SREBF2: variants seen among roughly 807,000 people sequenced by gnomAD.
SREBF2 encodes the protein sterol regulatory element-binding protein 2.
A neutral mutation model predicts 113.1 loss-of-function variants in SREBF2; 55 were observed. That is an observed-to-expected ratio of 0.49 (90% CI 0.39 to 0.61). The LOEUF (loss-of-function observed/expected upper bound fraction) is 0.61. SREBF2 is among the 20% of genes least tolerant of loss of function. The pLI is 0.00. For missense variants in SREBF2, 1,349 were observed against 1,487.4 expected (o/e 0.91, Z 1.53); for synonymous variants, 593 against 605.7 (o/e 0.98, Z 0.31).
intron 1 of SREBF2, among the ~76,000 whole-genome samples, chr22:41,856,872 C>G (rs1285288422): frequency 1.3e-5 from 2 of 151,932 alleles, no homozygotes; most frequent in Admixed American, 6.6e-5. Flanking sequence ...GTCAGGAGTT[C>G]AAGACCAGCC....
chr22:41,836,394 A>G (rs746397854), intron 1 of SREBF2, among the ~76,000 whole-genome samples: 24 of 152,248 alleles, frequency 1.6e-4, no homozygotes, highest in Non-Finnish European at 3.1e-4. Flanking sequence ...AAAAGTCAGC[A>G]GTGAGGGTAG....
At chr22:41,867,746 G>A (rs2077098357) in intron 2 of SREBF2, among the ~76,000 whole-genome samples, 1 of 152,038 alleles carries the variant, frequency 6.6e-6, no homozygotes, top group Non-Finnish European at 1.5e-5. Flanking sequence ...GGCAGAGCTT[G>A]CAGTGAGCAG....
rs753385840 is a variant in SREBF2 at position 41,904,957 on chromosome 22, C to T, written c.3188C>T (p.Thr1063Met). Residue 1063 changes from threonine to methionine, a missense_variant, in exon 18 of 19, where the codon ACG becomes ATG. Around this residue, in one of 2 missense-constraint regions of SREBF2, gnomAD observed 650 missense variants for 644.1 expected, o/e 1.01. Transcript: ENST00000361204. Reference protein sequence around the residue: ...LLEHSLRRRTTQSTKHGEVDA... With the variant: ...LLEHSLRRRTMQSTKHGEVDA... ...GAACACAGCCTGCGGCGGCGCACCACGCAGAGCACCAAGCACGGTGAGTCC... is the reference window on the plus strand; with the variant it reads ...GAACACAGCCTGCGGCGGCGCACCATGCAGAGCACCAAGCACGGTGAGTCC... 5.6e-6 allele frequency: 9 copies of T among 1,597,564 alleles called. No homozygotes were observed. The highest frequency in any genetic ancestry group is 2.2e-5 in the South Asian group (2 of 89,368).
intron 1 of SREBF2, among the ~76,000 whole-genome samples, chr22:41,848,382 T>C (rs2076897850): frequency 6.6e-6 from 1 of 152,252 alleles, no homozygotes; most frequent in East Asian, 1.9e-4. Context: ...CCACCGCGCC[T>C]GGCCTTCAAA....
At chr22:41,870,551 G>A (rs902363994) in intron 3 of SREBF2, among the ~76,000 whole-genome samples, 1 of 151,310 alleles carries the variant, frequency 6.6e-6, no homozygotes, top group Non-Finnish European at 1.5e-5. Flanking sequence ...ACTTGAGCCC[G>A]GGAGGTCAAG....
chr22:41,902,449 C>G (rs1366720042), intron 16 of SREBF2, among the ~76,000 whole-genome samples: 1 of 152,100 alleles, frequency 6.6e-6, no homozygotes, highest in Admixed American at 6.5e-5. Flanking sequence ...GGTCAGTAGG[C>G]CTAGTCCCCA....
intron 1 of SREBF2, among the ~76,000 whole-genome samples, chr22:41,848,804 C>A (rs917389079): frequency 6.6e-6 from 1 of 152,110 alleles, no homozygotes; most frequent in Non-Finnish European, 1.5e-5. Flanking sequence ...TGTGTAAAAA[C>A]CACCACCAAG....
At chr22:41,864,197 A>T (rs1243969748) in intron 1 of SREBF2, among the ~76,000 whole-genome samples, 1 of 111,674 alleles carries the variant, frequency 9.0e-6, no homozygotes, top group African/African-American at 3.5e-5. Flanking sequence ...TTTAATTATG[A>T]TTTATTTTTC....
chr22:41,889,062 C>G (rs1317161525), intron 11 of SREBF2, among the ~76,000 whole-genome samples: 1 of 152,154 alleles, frequency 6.6e-6, no homozygotes, highest in East Asian at 1.9e-4. Flanking sequence ...CCCAAACATT[C>G]TCTACTCACT....
chr22:41,869,192 C>A (rs2077115654), intron 3 of SREBF2, among the ~76,000 whole-genome samples: 1 of 152,158 alleles, frequency 6.6e-6, no homozygotes, highest in African/African-American at 2.4e-5. Context: ...ATAACCTCCG[C>A]CTCCCGGGTT....
At chr22:41,853,896 G>A (rs1333880330) in intron 1 of SREBF2, among the ~76,000 whole-genome samples, 1 of 151,822 alleles carries the variant, frequency 6.6e-6, no homozygotes, top group Non-Finnish European at 1.5e-5. Flanking sequence ...TTAGCTGGGC[G>A]TGGTGGCGGG....
At chr22:41,838,815 CTG>C (rs1244251872) in intron 1 of SREBF2, among the ~76,000 whole-genome samples, 3 of 152,152 alleles carry the variant, frequency 2.0e-5, no homozygotes, top group Non-Finnish European at 2.9e-5. Flanking sequence ...AATTAGGAAA[CTG>C]TAGCCATCCA....
intron 11 of SREBF2, chr22:41,886,184 C>A (rs1192561444): frequency 6.6e-6 from 1 of 152,240 alleles, no homozygotes; most frequent in Non-Finnish European, 1.5e-5. Context: ...GAACCCCATC[C>A]TCACTTGTGG....
Position 41,888,298 on chromosome 22 carries a change from GAATT to G in SREBF2, c.2208+3292_2208+3295del, listed in dbSNP as rs779743346. 2.7e-4 allele frequency among the ~76,000 whole-genome samples: 41 copies of G among 152,262 alleles called. 1 individual carries two copies. Among genetic ancestry groups the G allele is most frequent in the Admixed American group, 6.5e-4 (10 of 15,298 alleles). The stretch of plus-strand genomic sequence containing the variant: ...TACACATATGTACCTAATCCACCTG[GAATT>G]AATTTTTATAAGAGTTGGAGGTAGG... On this transcript the variant is annotated intron_variant, in intron 11 of 18. Coordinates refer to ENST00000361204, the MANE Select transcript of SREBF2 (RefSeq NM_004599.4).
intron 1 of SREBF2, among the ~76,000 whole-genome samples, chr22:41,845,542 C>A (rs928171345): frequency 2.0e-5 from 3 of 152,174 alleles, no homozygotes; most frequent in Non-Finnish European, 4.4e-5. Flanking sequence ...AATGAAATGG[C>A]CTCTGCTTTC....
intron 1 of SREBF2, among the ~76,000 whole-genome samples, chr22:41,842,195 G>C (rs972239840): frequency 2.6e-5 from 4 of 152,170 alleles, no homozygotes; most frequent in Non-Finnish European, 1.5e-5. Flanking sequence ...ACTATGAAAA[G>C]TCTTGCTCCC....
rs186804105 is a variant in SREBF2 at position 41,899,613 on chromosome 22, C to G, written c.2739-717C>G. ...TGAAGTAGATGTGACACCCTAATTT[C>G]ATTGAAGTAGCCCCATTTGTAAGCA... is the stretch of plus-strand genomic sequence containing the variant. On this transcript the variant is annotated intron_variant, in intron 15 of 18. Transcript: ENST00000361204. The G allele has an allele frequency of 4.1e-6, 4 of 981,244 alleles. No individual in the cohort carries two copies. In the African/African-American group the frequency reaches 7.0e-5, roughly 17 times the overall value. The allele number at this position is 981,244 out of a possible 1,614,324, so 60.8% of individuals were successfully genotyped here. A position where few individuals can be genotyped will look rare whatever the true frequency, so the allele number is the denominator to read the frequency against.
At chr22:41,837,552 T>C (rs7291578) in intron 1 of SREBF2, among the ~76,000 whole-genome samples, 102,080 of 136,738 alleles carry the variant, frequency 0.75, 38,149 homozygotes, top group African/African-American at 0.82. Context: ...AATGAGACTC[T>C]GTCTAAAAAA....
chr22:41,840,397 G>A (rs888380545), intron 1 of SREBF2, among the ~76,000 whole-genome samples: 1 of 152,014 alleles, frequency 6.6e-6, no homozygotes, highest in East Asian at 1.9e-4. Context: ...CACTTATCTT[G>A]GGACAACCCC....
Sources: gnomAD v4.1 joint callset for allele counts (sites outside exome capture counted in the v4.1 genomes callset) on GRCh38, gnomAD v4.1.1 for gene constraint, gnomAD v4.1.1 regional missense constraint, MANE v1.5 for transcripts, NCBI Gene and HGNC (gene_info 2026-07-23, HGNC 2026-07-21) for gene names.